Variants in KCNIP1 observed in about 807,000 individuals in gnomAD.
KCNIP1 encodes the protein potassium voltage-gated channel interacting protein 1.
A neutral mutation model predicts 33.0 loss-of-function variants in KCNIP1; 18 were observed. The observed-to-expected ratio is 0.55, with a 90% CI of 0.38 to 0.81. The LOEUF (loss-of-function observed/expected upper bound fraction) is 0.81, where lower values mean the gene tolerates loss of function less well. Among genes scored for constraint, KCNIP1 ranks in the 30% least tolerant of loss-of-function variants. The pLI, the probability that KCNIP1 is intolerant of heterozygous loss-of-function variation, is 0.00. For synonymous variants in KCNIP1, 93 were observed against 98.3 expected, an observed-to-expected ratio of 0.95 and a Z score of 0.32; for missense variants, 238 against 271.6, an observed-to-expected ratio of 0.88 and a Z score of 0.87.
chr5:170,563,815 T>A (rs1342938671), intron 1 of KCNIP1, among the ~76,000 whole-genome samples: 1 of 152,128 alleles, frequency 6.6e-6, no homozygotes, highest in Non-Finnish European at 1.5e-5. Context: ...TAATTTTGTA[T>A]TTTTAGTAGA....
intron 1 of KCNIP1, among the ~76,000 whole-genome samples, chr5:170,467,878 A>G (rs943715751): frequency 2.1e-5 from 3 of 140,672 alleles, no homozygotes; most frequent in South Asian, 2.4e-4. Flanking sequence ...AGATCACGCC[A>G]TTGCACTCCA....
intron 1 of KCNIP1, among the ~76,000 whole-genome samples, chr5:170,707,585 C>T (rs925529461): frequency 6.6e-6 from 1 of 152,234 alleles, no homozygotes; most frequent in Non-Finnish European, 1.5e-5. Flanking sequence ...TTTCCACCAT[C>T]GCCCTGCTCC....
intron 1 of KCNIP1, among the ~76,000 whole-genome samples, chr5:170,532,963 A>C (rs1755836759): frequency 6.6e-6 from 1 of 152,134 alleles, no homozygotes; most frequent in Admixed American, 6.5e-5. Context: ...AGCCTTCCGG[A>C]TCTGTTGTGC....
intron 1 of KCNIP1, among the ~76,000 whole-genome samples, chr5:170,641,578 T>G (rs1760561200): frequency 6.6e-6 from 1 of 152,114 alleles, no homozygotes; most frequent in African/African-American, 2.4e-5. Flanking sequence ...TCTGCTGGGG[T>G]GGACTTTCAT....
intron 1 of KCNIP1, among the ~76,000 whole-genome samples, chr5:170,424,731 C>G (rs1005061404): frequency 6.6e-6 from 1 of 152,180 alleles, no homozygotes; most frequent in African/African-American, 2.4e-5. Context: ...CCTGAGCGAT[C>G]TTTTAAAAGT....
chr5:170,724,916 T>C (rs1366692589), intron 5 of KCNIP1, among the ~76,000 whole-genome samples: 1 of 152,212 alleles, frequency 6.6e-6, no homozygotes, highest in Non-Finnish European at 1.5e-5. Flanking sequence ...AGATTTAGTG[T>C]GATCTCAATC....
At chr5:170,587,195 G>A (rs556395518) in intron 1 of KCNIP1, among the ~76,000 whole-genome samples, 2 of 152,266 alleles carry the variant, frequency 1.3e-5, no homozygotes, top group East Asian at 1.9e-4. Flanking sequence ...GCCAAGGTAG[G>A]CAGATCACCT....
At chr5:170,603,828 T>A (rs1758792909) in intron 1 of KCNIP1, among the ~76,000 whole-genome samples, 2 of 152,174 alleles carry the variant, frequency 1.3e-5, no homozygotes, top group Admixed American at 1.3e-4. Flanking sequence ...TCAGAAAGCA[T>A]CTGAAATTTA....
rs1316158950 is a variant in KCNIP1 at position 170,438,710 on chromosome 5, C to T, written c.88+84746C>T. ...AAGTCAGCCCGTGCTCTTTCTCACC[C>T]CCAAGCCATTGCACAGCCTGCTCCC... On this transcript the variant is annotated intron_variant, in intron 1 of 7. Coordinates refer to the KCNIP1 transcript ENST00000377360. Among the ~76,000 whole-genome samples, 2 of 152,152 alleles carry T rather than the reference C, an allele frequency of 1.3e-5. 1 individual carries two copies. The highest frequency in any genetic ancestry group is 2.9e-5 in the Non-Finnish European group (2 of 68,024).
chr5:170,659,257 C>G (rs906963881), intron 1 of KCNIP1, among the ~76,000 whole-genome samples: 1 of 152,094 alleles, frequency 6.6e-6, no homozygotes, highest in Non-Finnish European at 1.5e-5. Context: ...GCTTTGCTCT[C>G]TTTGTGGTTA....
At chr5:170,686,396 GTCAC>G (rs1295434167) in intron 1 of KCNIP1, among the ~76,000 whole-genome samples, 2 of 152,198 alleles carry the variant, frequency 1.3e-5, no homozygotes, top group African/African-American at 4.8e-5. Context: ...AACAAGGAGA[GTCAC>G]TCAGTTCTGA....
At chr5:170,364,964 T>C (rs548297242) in intron 1 of KCNIP1, among the ~76,000 whole-genome samples, 2 of 152,322 alleles carry the variant, frequency 1.3e-5, no homozygotes, top group African/African-American at 4.8e-5. Flanking sequence ...ACAGTCTCCT[T>C]GCTGTGCATT....
chr5:170,719,763 T>C (rs1182025174), intron 2 of KCNIP1, among the ~76,000 whole-genome samples: 1 of 152,218 alleles, frequency 6.6e-6, no homozygotes, highest in Admixed American at 6.5e-5. Context: ...TGACTGCACA[T>C]GCCAAGTGCC....
At chr5:170,568,319 A>G (rs1757269961) in intron 1 of KCNIP1, among the ~76,000 whole-genome samples, 1 of 152,132 alleles carries the variant, frequency 6.6e-6, no homozygotes, top group African/African-American at 2.4e-5. Flanking sequence ...GATTACATGG[A>G]GGAATAGAGA....
intron 1 of KCNIP1, among the ~76,000 whole-genome samples, chr5:170,598,684 G>A (rs938490418): frequency 6.6e-6 from 1 of 152,132 alleles, no homozygotes; most frequent in Non-Finnish European, 1.5e-5. Context: ...AGGCCTGGGA[G>A]GTGTCAACAA....
chr5:170,456,137 G>A (rs1474880991), intron 1 of KCNIP1, among the ~76,000 whole-genome samples: 1 of 152,150 alleles, frequency 6.6e-6, no homozygotes, highest in Non-Finnish European at 1.5e-5. Context: ...CCATAAAAAA[G>A]AATGAGTTTA....
At chr5:170,601,601 A>G (rs911231330) in intron 1 of KCNIP1, among the ~76,000 whole-genome samples, 2 of 152,232 alleles carry the variant, frequency 1.3e-5, no homozygotes, top group African/African-American at 4.8e-5. Context: ...GAGGGCAGGT[A>G]GGAGCAGAGA....
intron 5 of KCNIP1, among the ~76,000 whole-genome samples, chr5:170,723,825 C>A (rs1021496737): frequency 6.6e-6 from 1 of 152,128 alleles, no homozygotes; most frequent in African/African-American, 2.4e-5. Context: ...ATACTGGAAC[C>A]AGTTATACAA....
intron 1 of KCNIP1, among the ~76,000 whole-genome samples, chr5:170,559,880 G>T (rs913943906): frequency 6.6e-6 from 1 of 152,180 alleles, no homozygotes; most frequent in Non-Finnish European, 1.5e-5. Flanking sequence ...CTTAGACAGC[G>T]TCTTGGTCAC....
Sources: allele counts gnomAD v4.1 joint callset (sites outside exome capture counted in the v4.1 genomes callset), GRCh38; gene constraint gnomAD v4.1.1; transcripts MANE v1.5; gene names NCBI Gene and HGNC (gene_info 2026-07-23, HGNC 2026-07-21).